Variants in AJAP1 observed in about 807,000 individuals in gnomAD.
AJAP1 encodes adherens junction-associated protein 1.
A neutral mutation model predicts 35.0 loss-of-function variants in AJAP1; 5 were observed. The observed-to-expected ratio is 0.14, with a 90% confidence interval of 0.07 to 0.30. AJAP1 has a LOEUF of 0.30. Among genes scored for constraint, AJAP1 ranks in the 10% least tolerant of loss-of-function variants. The pLI is 1.00. For missense variants in AJAP1, 586 were observed against 571.0 expected, an observed-to-expected ratio of 1.03 and a Z score of -0.27; for synonymous variants, 284 against 249.3, an observed-to-expected ratio of 1.14 and a Z score of -1.31.
chr1:4,668,013 A>ATC (rs1639171497), intron 1 of AJAP1, among the ~76,000 whole-genome samples: 1 of 152,140 alleles, frequency 6.6e-6, no homozygotes, highest in Non-Finnish European at 1.5e-5. Context: ...TCAGGAGTTC[A>ATC]AGACCAGCCT....
chr1:4,717,611 C>G (rs1640424548), intron 2 of AJAP1, among the ~76,000 whole-genome samples: 3 of 152,190 alleles, frequency 2.0e-5, no homozygotes, highest in Admixed American at 1.3e-4. Context: ...GTCCTTGTCA[C>G]CGAGTGGGAG....
At chr1:4,728,617 C>T (rs1273812562) in intron 2 of AJAP1, among the ~76,000 whole-genome samples, 1 of 152,200 alleles carries the variant, frequency 6.6e-6, no homozygotes, top group South Asian at 2.1e-4. Flanking sequence ...CCTGAATAAC[C>T]CTGTGCTCCG....
chr1:4,780,633 C>CTTTTTTTT (rs35738488), intron 5 of AJAP1, among the ~76,000 whole-genome samples: 1 of 131,456 alleles, frequency 7.6e-6, no homozygotes. Context: ...TTCTTTCTTT[C>CTTTTTTTT]TTTTTTTTTT....
intron 1 of AJAP1, among the ~76,000 whole-genome samples, chr1:4,679,804 A>C (rs1215033962): frequency 8.4e-6 from 1 of 118,506 alleles, no homozygotes; most frequent in South Asian, 3.0e-4. Context: ...AACAGAACCA[A>C]TAGGGTGTGT....
At chr1:4,764,100 G>T (rs1329972933) in intron 2 of AJAP1, among the ~76,000 whole-genome samples, 4 of 152,124 alleles carry the variant, frequency 2.6e-5, no homozygotes, top group African/African-American at 9.7e-5. Flanking sequence ...CCAGCTTGTA[G>T]ACAGAAGACC....
intron 5 of AJAP1, among the ~76,000 whole-genome samples, chr1:4,775,033 T>G (rs946040670): frequency 1.3e-5 from 2 of 151,874 alleles, no homozygotes; most frequent in Admixed American, 1.3e-4. Context: ...AATTTTGAAA[T>G]ATAAAAATAA....
At chr1:4,760,089 G>A (rs182428092) in intron 2 of AJAP1, among the ~76,000 whole-genome samples, 1 of 152,282 alleles carries the variant, frequency 6.6e-6, no homozygotes, top group East Asian at 1.9e-4. Context: ...AAAGAAATGG[G>A]TCATTTCCCT....
rs1424137412 is a variant in AJAP1, at chr1:4,734,518, G to A, written c.829+21819G>A. Among the ~76,000 whole-genome samples the A allele has an allele frequency of 1.3e-5, 2 of 152,148 alleles. No individual in the cohort carries two copies. The highest frequency in any genetic ancestry group is 2.9e-5 in the Non-Finnish European group (2 of 68,026). The stretch of plus-strand genomic sequence containing the variant: ...GTGTGTTGACAGCCTGCACTCATCT[G>A]ACTGTATCTCCTTCAGTCTTCTCCA... On this transcript the variant is annotated intron_variant, in intron 2 of 5. Transcript: ENST00000378191. The surrounding 1 kb of genome is among the most constrained non-coding windows in gnomAD (Gnocchi z 4.3).
intron 2 of AJAP1, among the ~76,000 whole-genome samples, chr1:4,748,520 G>T (rs1455970499): frequency 6.6e-6 from 1 of 152,128 alleles, no homozygotes; most frequent in African/African-American, 2.4e-5. Flanking sequence ...GGCTGAGGTG[G>T]ACAGATCACC....
At chr1:4,657,005 C>T (rs1638896411) in intron 1 of AJAP1, among the ~76,000 whole-genome samples, 1 of 152,188 alleles carries the variant, frequency 6.6e-6, no homozygotes, top group Non-Finnish European at 1.5e-5. Flanking sequence ...TTGTGAATGA[C>T]CAGACGGGTC....
chr1:4,729,561 T>G (rs1157670422), intron 2 of AJAP1, among the ~76,000 whole-genome samples: 3 of 55,690 alleles, frequency 5.4e-5, no homozygotes, highest in Admixed American at 2.5e-4. Context: ...GCAGCAGGGC[T>G]GGTTCCTTCT....
At position 4,727,265 on chromosome 1, in the gene AJAP1, C is replaced by T. The variant is rs1204643615; in HGVS notation, c.829+14566C>T. Among the ~76,000 whole-genome samples the T allele has an allele frequency of 2.6e-5, 4 of 152,320 alleles. No homozygotes were observed. The South Asian group carries it at 6.2e-4, about 24-fold the overall frequency. On this transcript the variant is annotated intron_variant, in intron 2 of 5. Coordinates refer to ENST00000378191, the MANE Select transcript of AJAP1 (RefSeq NM_018836.4). ...CCTCACAGCCTCAGAATAGTGTGGC[C>T]TCTGGCCCCCTCTGTCCCCTCGGGA... is the stretch of plus-strand genomic sequence containing the variant.
chr1:4,691,368 G>A (rs1639734818), intron 1 of AJAP1, among the ~76,000 whole-genome samples: 1 of 152,208 alleles, frequency 6.6e-6, no homozygotes, highest in Non-Finnish European at 1.5e-5. Context: ...TCCTCTCCAG[G>A]CCACAGAGTC....
chr1:4,671,942 G>T (rs1453800049), intron 1 of AJAP1, among the ~76,000 whole-genome samples: 2 of 152,274 alleles, frequency 1.3e-5, no homozygotes, highest in East Asian at 3.9e-4. Flanking sequence ...CTTTCAAAAA[G>T]GAAAGCTGTG....
intron 2 of AJAP1, among the ~76,000 whole-genome samples, chr1:4,719,507 G>A (rs1464471571): frequency 6.6e-6 from 1 of 152,100 alleles, no homozygotes; most frequent in African/African-American, 2.4e-5. Flanking sequence ...TCTTGGAGCC[G>A]AGCCCTGGGG....
chr1:4,770,013 G>A, intron 3 of AJAP1, 73 bp downstream of exon 3: 3 of 1,333,220 alleles, frequency 2.3e-6, no homozygotes, highest in Admixed American at 1.7e-5. Flanking sequence ...ATACAGAAAG[G>A]CCCCTACTTT....
chr1:4,757,979 G>C (rs904550128), intron 2 of AJAP1, among the ~76,000 whole-genome samples: 1 of 152,092 alleles, frequency 6.6e-6, no homozygotes, highest in East Asian at 1.9e-4. Context: ...CCCTCATGCT[G>C]TTTCTGTGAT....
chr1:4,726,548 G>A (rs1640664181), intron 2 of AJAP1, among the ~76,000 whole-genome samples: 1 of 152,120 alleles, frequency 6.6e-6, no homozygotes, highest in South Asian at 2.1e-4. Flanking sequence ...TGGGCCGGAG[G>A]AAGAGGTCAG....
intron 2 of AJAP1, among the ~76,000 whole-genome samples, chr1:4,751,345 G>A (rs1271835672): frequency 1.3e-5 from 2 of 152,194 alleles, no homozygotes; most frequent in African/African-American, 4.8e-5. Flanking sequence ...TAGCTGATGT[G>A]ATGAACCTAT....
Sources: allele counts gnomAD v4.1 joint callset (sites outside exome capture counted in the v4.1 genomes callset), GRCh38; gene constraint gnomAD v4.1.1; non-coding constraint Gnocchi (gnomAD v3.1); transcripts MANE v1.5; gene names NCBI Gene and HGNC (gene_info 2026-07-23, HGNC 2026-07-21).